The following SLC16A7 variants were observed in gnomAD, a reference collection of about 807,000 sequenced individuals.
SLC16A7 encodes monocarboxylate transporter 2.
SLC16A7 carries 33 observed loss-of-function variants against 34.9 expected under a neutral mutation model. The observed-to-expected ratio is 0.94, with a 90% CI of 0.72 to 1.26. SLC16A7 has a LOEUF of 1.26. Among genes scored for constraint, SLC16A7 ranks in the 50% most tolerant of loss-of-function variants. The pLI is 0.00. For synonymous variants in SLC16A7, 201 were observed against 206.6 expected, an observed-to-expected ratio of 0.97 and a Z score of 0.23; for missense variants, 573 against 578.1, an observed-to-expected ratio of 0.99 and a Z score of 0.09.
intron 3 of SLC16A7, among the ~76,000 whole-genome samples, chr12:59,707,903 A>C (rs1383334345): frequency 6.6e-6 from 1 of 152,134 alleles, no homozygotes; most frequent in Non-Finnish European, 1.5e-5. Flanking sequence ...CCTTCTTTTA[A>C]AACTGGAAAC....
At chr12:59,669,685 C>CACACAT (rs71074381) in intron 2 of SLC16A7, among the ~76,000 whole-genome samples, 12 of 151,458 alleles carry the variant, frequency 7.9e-5, no homozygotes, top group African/African-American at 2.7e-4. Context: ...CACACACACA[C>CACACAT]GATTTATCTA....
At chr12:59,628,036 C>T (rs1435016570) in intron 1 of SLC16A7, among the ~76,000 whole-genome samples, 1 of 151,776 alleles carries the variant, frequency 6.6e-6, no homozygotes. Context: ...ACCCTTAAGA[C>T]TCTGGGTATC....
At chr12:59,749,273 A>G (rs920136239) in intron 3 of SLC16A7, among the ~76,000 whole-genome samples, 2 of 152,214 alleles carry the variant, frequency 1.3e-5, no homozygotes, top group African/African-American at 4.8e-5. Context: ...GATCAACACC[A>G]GCTGCCAGTC....
At position 59,670,414 on chromosome 12, in the gene SLC16A7, A is replaced by ACC. The variant is rs539873573; in HGVS notation, c.-31+15171_-31+15172dup. 1.7e-3 allele frequency among the ~76,000 whole-genome samples: 253 copies of ACC among 150,642 alleles called. 1 individual carries two copies. The highest frequency in any genetic ancestry group is 5.8e-3 in the African/African-American group (236 of 40,988). ...GTAATCACAGCCTGCCTTCCAATCCACCCCCCCCACCAAATTTAAGTCCTT... is the reference window on the plus strand; with the variant it reads ...GTAATCACAGCCTGCCTTCCAATCCACCCCCCCCCCACCAAATTTAAGTCCTT... On this transcript the variant is annotated intron_variant, in intron 2 of 5. Coordinates refer to ENST00000547379, the MANE Select transcript of SLC16A7 (RefSeq NM_001270623.2).
intron 3 of SLC16A7, among the ~76,000 whole-genome samples, chr12:59,753,818 A>G (rs1213801632): frequency 2.6e-5 from 4 of 152,144 alleles, no homozygotes; most frequent in Non-Finnish European, 4.4e-5. Context: ...TTTCAGCACC[A>G]CACCACACCT....
intron 1 of SLC16A7, among the ~76,000 whole-genome samples, chr12:59,622,917 G>A (rs962010420): frequency 1.3e-5 from 2 of 151,512 alleles, no homozygotes; most frequent in African/African-American, 4.8e-5. Flanking sequence ...TTCATCTATG[G>A]TGATCCATCT....
chr12:59,686,095 CTT>C (rs572779305), intron 2 of SLC16A7, among the ~76,000 whole-genome samples: 25,328 of 92,926 alleles, frequency 0.27, 1,716 homozygotes, highest in East Asian at 0.34. Flanking sequence ...AAGAACTTTT[CTT>C]TTTTTTTTTT....
chr12:59,721,171 G>T (rs1327063697), intron 3 of SLC16A7, among the ~76,000 whole-genome samples: 1 of 151,826 alleles, frequency 6.6e-6, no homozygotes, highest in Non-Finnish European at 1.5e-5. Context: ...ATGATTATTT[G>T]TCATTTAATC....
intron 1 of SLC16A7, among the ~76,000 whole-genome samples, chr12:59,612,301 G>A (rs984163861): frequency 6.6e-5 from 10 of 152,170 alleles, no homozygotes; most frequent in Admixed American, 1.3e-4. Context: ...CTTGGGGCTC[G>A]CCCTATCTAA....
chr12:59,692,177 T>A (rs977258684), intron 2 of SLC16A7, among the ~76,000 whole-genome samples: 2 of 151,908 alleles, frequency 1.3e-5, no homozygotes, highest in Admixed American at 6.6e-5. Flanking sequence ...TCACATCACA[T>A]CTCTCTCTGC....
chr12:59,733,413 T>C (rs903964624), intron 3 of SLC16A7, among the ~76,000 whole-genome samples: 3 of 151,496 alleles, frequency 2.0e-5, no homozygotes, highest in African/African-American at 7.3e-5. Context: ...CACTGGCTTT[T>C]TGTGGGGTGG....
intron 1 of SLC16A7, among the ~76,000 whole-genome samples, chr12:59,620,078 G>C (rs1190811744): frequency 3.3e-5 from 5 of 151,790 alleles, no homozygotes; most frequent in Admixed American, 3.3e-4. Flanking sequence ...TATAGAGACA[G>C]AGAGGGCAGC....
At chr12:59,605,639 G>C (rs982574529) in intron 1 of SLC16A7, among the ~76,000 whole-genome samples, 2 of 152,208 alleles carry the variant, frequency 1.3e-5, no homozygotes, top group African/African-American at 4.8e-5. Context: ...GAACAGGTAA[G>C]TCCTTTTTAG....
At chr12:59,712,569 C>T (rs989587075) in intron 3 of SLC16A7, among the ~76,000 whole-genome samples, 3 of 152,172 alleles carry the variant, frequency 2.0e-5, no homozygotes, top group African/African-American at 7.2e-5. Context: ...ACCCAGTCTC[C>T]GTCAACCCGG....
intron 5 of SLC16A7, among the ~76,000 whole-genome samples, chr12:59,776,357 G>A (rs1882759101): frequency 6.6e-6 from 1 of 152,110 alleles, no homozygotes; most frequent in South Asian, 2.1e-4. Context: ...TGAACTTATG[G>A]TTTAAAGACA....
chr12:59,742,252 A>T (rs1454309423), intron 3 of SLC16A7, among the ~76,000 whole-genome samples: 3 of 152,178 alleles, frequency 2.0e-5, no homozygotes, highest in Non-Finnish European at 2.9e-5. Context: ...CTTAATGCTC[A>T]TGTCCAGGAA....
At chr12:59,651,410 A>AT (rs1411147736) in intron 1 of SLC16A7, among the ~76,000 whole-genome samples, 1 of 152,032 alleles carries the variant, frequency 6.6e-6, no homozygotes, top group East Asian at 1.9e-4. Context: ...TTGCTTAGAG[A>AT]TTTTAAGTTA....
intron 1 of SLC16A7, among the ~76,000 whole-genome samples, chr12:59,654,893 A>G (rs1868458619): frequency 6.6e-6 from 1 of 151,928 alleles, no homozygotes; most frequent in East Asian, 1.9e-4. Flanking sequence ...GGCAGGCACA[A>G]ATAAAGGCAG....
intron 1 of SLC16A7, among the ~76,000 whole-genome samples, chr12:59,620,746 C>T (rs376128004): frequency 1.2e-4 from 18 of 151,670 alleles, no homozygotes; most frequent in Admixed American, 9.9e-4. Context: ...ATCAAATGTA[C>T]GATAAGAACA....
Sources: allele counts gnomAD v4.1 joint callset (sites outside exome capture counted in the v4.1 genomes callset), GRCh38; gene constraint gnomAD v4.1.1; transcripts MANE v1.5; gene names NCBI Gene and HGNC (gene_info 2026-07-23, HGNC 2026-07-21).